Variants in GPC5 observed in about 807,000 individuals in gnomAD.
GPC5 encodes the protein glypican 5.
GPC5 carries 47 observed loss-of-function variants against 53.9 expected under a neutral mutation model. The ratio of observed to expected loss-of-function variants is 0.87; its 90% CI spans 0.69 to 1.11. The LOEUF is 1.11. Ranked by LOEUF, GPC5 falls within the 50% of genes most tolerant of loss-of-function variation. The probability of loss-of-function intolerance (pLI) is 0.00; values close to 1 mark genes in which losing one functional copy is unlikely to be tolerated. For synonymous variants in GPC5, 286 were observed against 263.3 expected, an observed-to-expected ratio of 1.09 and a Z score of -0.84; for missense variants, 748 against 713.1, an observed-to-expected ratio of 1.05 and a Z score of -0.56.
intron 7 of GPC5, among the ~76,000 whole-genome samples, chr13:92,421,050 T>C (rs1876535520): frequency 6.6e-6 from 1 of 152,224 alleles, no homozygotes; most frequent in African/African-American, 2.4e-5. Context: ...AAACGAGACA[T>C]GGCTTGATAG....
intron 7 of GPC5, among the ~76,000 whole-genome samples, chr13:92,442,285 C>T (rs1180299947): frequency 6.6e-6 from 1 of 152,136 alleles, no homozygotes; most frequent in African/African-American, 2.4e-5. Flanking sequence ...GGTTATCTCA[C>T]TCTTTCTTGC....
chr13:91,923,596 TTA>T (rs59492850), intron 6 of GPC5, among the ~76,000 whole-genome samples: 5,709 of 152,316 alleles, frequency 0.037, 180 homozygotes, highest in Middle Eastern at 0.062. Flanking sequence ...AAGTTTTGCA[TTA>T]TATGTTTCAC....
intron 5 of GPC5, among the ~76,000 whole-genome samples, chr13:91,775,942 G>T (rs2037704716): frequency 6.6e-6 from 1 of 152,162 alleles, no homozygotes; most frequent in Non-Finnish European, 1.5e-5. Context: ...AGCATCATGG[G>T]TACAAAAGGA....
chr13:91,738,116 C>T (rs1226081416), intron 4 of GPC5, among the ~76,000 whole-genome samples: 1 of 151,284 alleles, frequency 6.6e-6, no homozygotes, highest in Non-Finnish European at 1.5e-5. Context: ...CACAGGTAAA[C>T]TTCGCACTGG....
intron 7 of GPC5, among the ~76,000 whole-genome samples, chr13:92,259,731 T>A (rs1025431089): frequency 2.0e-5 from 3 of 152,172 alleles, no homozygotes; most frequent in Non-Finnish European, 4.4e-5. Context: ...AGGAGGAACA[T>A]GTGATCTCAT....
chr13:91,471,664 T>C (rs1882640137), intron 2 of GPC5, among the ~76,000 whole-genome samples: 1 of 152,210 alleles, frequency 6.6e-6, no homozygotes, highest in Non-Finnish European at 1.5e-5. Flanking sequence ...CAAAACTGTC[T>C]CAACACCACT....
At chr13:92,415,994 T>G (rs975658532) in intron 7 of GPC5, among the ~76,000 whole-genome samples, 2 of 152,156 alleles carry the variant, frequency 1.3e-5, no homozygotes, top group Non-Finnish European at 2.9e-5. Flanking sequence ...ATAGACAGCT[T>G]TTTAAAGAAA....
intron 2 of GPC5, among the ~76,000 whole-genome samples, chr13:91,491,933 C>G (rs1883962936): frequency 6.6e-6 from 1 of 152,148 alleles, no homozygotes; most frequent in African/African-American, 2.4e-5. Context: ...TTTTGGGAGA[C>G]CACTGTTCAG....
intron 7 of GPC5, among the ~76,000 whole-genome samples, chr13:92,182,067 A>G (rs2042150895): frequency 6.6e-6 from 1 of 152,206 alleles, no homozygotes; most frequent in Admixed American, 6.5e-5. Context: ...CCATTCATTT[A>G]ACATTTCAAA....
At chr13:91,447,618 C>T (rs948110108) in intron 1 of GPC5, among the ~76,000 whole-genome samples, 1 of 152,030 alleles carries the variant, frequency 6.6e-6, no homozygotes, top group Non-Finnish European at 1.5e-5. Context: ...AAATTTGAGA[C>T]CTGAGGCCAA....
intron 7 of GPC5, among the ~76,000 whole-genome samples, chr13:92,606,757 T>C (rs1884273618): frequency 6.6e-6 from 1 of 152,178 alleles, no homozygotes; most frequent in Non-Finnish European, 1.5e-5. Context: ...CTTACTTTGC[T>C]TTTCTTCCCT....
intron 7 of GPC5, among the ~76,000 whole-genome samples, chr13:92,155,894 G>C (rs1404559418): frequency 6.6e-6 from 1 of 152,068 alleles, no homozygotes; most frequent in African/African-American, 2.4e-5. Context: ...TGAACATCTT[G>C]ATTGTGTGCT....
intron 6 of GPC5, among the ~76,000 whole-genome samples, chr13:92,137,872 G>A (rs1009683846): frequency 1.3e-5 from 2 of 152,150 alleles, no homozygotes; most frequent in Non-Finnish European, 2.9e-5. Flanking sequence ...GGGGTTTTAA[G>A]TTTTAAAAAA....
intron 2 of GPC5, among the ~76,000 whole-genome samples, chr13:91,639,519 C>G (rs915443429): frequency 6.6e-6 from 1 of 152,166 alleles, no homozygotes; most frequent in Non-Finnish European, 1.5e-5. Context: ...AGAAGTGATA[C>G]TTCCTTGTTG....
intron 5 of GPC5, among the ~76,000 whole-genome samples, chr13:91,905,824 G>T (rs200253746): frequency 6.6e-6 from 1 of 152,106 alleles, no homozygotes; most frequent in East Asian, 1.9e-4. Context: ...TTGCTGAAAA[G>T]TATTATGATA....
chr13:92,756,568 A>T (rs902919305), intron 7 of GPC5, among the ~76,000 whole-genome samples: 27 of 151,534 alleles, frequency 1.8e-4, no homozygotes, highest in Admixed American at 1.1e-3. Flanking sequence ...ACATGATTGT[A>T]TATCTAGAAA....
intron 4 of GPC5, among the ~76,000 whole-genome samples, chr13:91,742,466 A>T (rs1034565238): frequency 6.6e-6 from 1 of 152,230 alleles, no homozygotes; most frequent in African/African-American, 2.4e-5. Flanking sequence ...TGGCCATTTC[A>T]TGAATCATCT....
intron 7 of GPC5, among the ~76,000 whole-genome samples, chr13:92,594,865 A>T (rs1223419433): frequency 6.6e-6 from 1 of 152,208 alleles, no homozygotes; most frequent in Admixed American, 6.5e-5. Context: ...TACTTCACCC[A>T]GTACATCTTA....
At chr13:91,568,740 A>C (rs927542785) in intron 2 of GPC5, among the ~76,000 whole-genome samples, 2 of 148,734 alleles carry the variant, frequency 1.3e-5, no homozygotes, top group Non-Finnish European at 3.0e-5. Context: ...ACCATATGTT[A>C]TTTCTTTTTC....
Sources: allele counts gnomAD v4.1 joint callset (sites outside exome capture counted in the v4.1 genomes callset), GRCh38; gene constraint gnomAD v4.1.1; transcripts MANE v1.5; gene names NCBI Gene and HGNC (gene_info 2026-07-23, HGNC 2026-07-21).